ACYP2: variants seen among roughly 807,000 people sequenced by gnomAD.
ACYP2 encodes acylphosphatase-2.
In ACYP2, 12 loss-of-function variants were observed where a neutral mutation model predicts 11.2. That is an observed-to-expected ratio of 1.08 (90% confidence interval 0.69 to 1.74). The LOEUF (loss-of-function observed/expected upper bound fraction) is 1.74, where lower values mean the gene tolerates loss of function less well. ACYP2 is among the 40% of genes most tolerant of loss of function. ACYP2 has a pLI of 0.00. For synonymous variants in ACYP2, 43 were observed against 32.2 expected (o/e 1.33, Z -1.13); for missense variants, 134 against 101.9 (o/e 1.31, Z -1.35).
At chr2:53,991,042 CG>C (rs1258731182) in intron 2 of ACYP2, among the ~76,000 whole-genome samples, 1 of 152,148 alleles carries the variant, frequency 6.6e-6, no homozygotes, top group Non-Finnish European at 1.5e-5. Flanking sequence ...GTGATCCGCC[CG>C]CCTGGGACTC....
At chr2:54,039,087 C>T (rs1675076794) in intron 2 of ACYP2, among the ~76,000 whole-genome samples, 1 of 151,844 alleles carries the variant, frequency 6.6e-6, no homozygotes, top group Non-Finnish European at 1.5e-5. Context: ...GGGGAGCGTG[C>T]TCCTATAATA....
At chr2:54,265,699 T>C (rs899056844) in intron 6 of ACYP2, among the ~76,000 whole-genome samples, 7 of 152,200 alleles carry the variant, frequency 4.6e-5, no homozygotes, top group Admixed American at 4.6e-4. Context: ...TGAAATGTAG[T>C]GGTTAAGAGT....
At chr2:54,270,252 T>C (rs1688225540) in intron 6 of ACYP2, among the ~76,000 whole-genome samples, 2 of 152,220 alleles carry the variant, frequency 1.3e-5, no homozygotes, top group Non-Finnish European at 2.9e-5. Context: ...GTGATTTCCA[T>C]TGTTGCCATA....
intron 6 of ACYP2, among the ~76,000 whole-genome samples, chr2:54,200,066 G>T (rs1391947153): frequency 6.6e-6 from 1 of 152,162 alleles, no homozygotes; most frequent in African/African-American, 2.4e-5. Flanking sequence ...TTATAGAAAG[G>T]ATATCTTTAT....
intron 6 of ACYP2, among the ~76,000 whole-genome samples, chr2:54,269,350 A>G (rs1321686098): frequency 6.6e-6 from 1 of 152,264 alleles, no homozygotes; most frequent in Non-Finnish European, 1.5e-5. Flanking sequence ...TAGGAGCTAC[A>G]TACAAGAAAT....
chr2:54,198,428 G>A (rs1450125738), intron 6 of ACYP2, among the ~76,000 whole-genome samples: 1 of 152,134 alleles, frequency 6.6e-6, no homozygotes, highest in Non-Finnish European at 1.5e-5. Context: ...GGTTCCCACA[G>A]GGCCAGCTAC....
At chr2:54,136,877 G>A (rs1681275553) in intron 5 of ACYP2, among the ~76,000 whole-genome samples, 1 of 152,168 alleles carries the variant, frequency 6.6e-6, no homozygotes, top group South Asian at 2.1e-4. Flanking sequence ...TTGGGAGGCT[G>A]AGGCAGGAGA....
At chr2:54,085,700 A>G (rs1255339746) in intron 4 of ACYP2, among the ~76,000 whole-genome samples, 1 of 152,198 alleles carries the variant, frequency 6.6e-6, no homozygotes, top group Non-Finnish European at 1.5e-5. Flanking sequence ...CTTACTGTGT[A>G]TGGAAAAAGA....
At chr2:54,159,039 C>G (rs1263927379) in intron 6 of ACYP2, among the ~76,000 whole-genome samples, 2 of 152,032 alleles carry the variant, frequency 1.3e-5, no homozygotes, top group African/African-American at 4.8e-5. Context: ...TATATACTCT[C>G]TCTATATAGT....
chr2:54,145,771 A>G (rs778046771), intron 6 of ACYP2, among the ~76,000 whole-genome samples: 1 of 152,224 alleles, frequency 6.6e-6, no homozygotes, highest in Non-Finnish European at 1.5e-5. Context: ...TTGACTATAT[A>G]CAGAAAACAG....
rs202231897 is a variant in ACYP2, at chr2:54,216,542, AT to A, written c.404+77807del. Among the ~76,000 whole-genome samples the A allele has an allele frequency of 6.2e-4, 91 of 146,376 alleles. 1 individual carries two copies. The highest frequency in any genetic ancestry group is 5.7e-4 in the Non-Finnish European group (38 of 66,384). On this transcript the variant is annotated intron_variant, in intron 6 of 6. Transcript: ENST00000607452. Reference sequence around the variant, plus strand: ...TTTTTTAACTCCTAATCACGTTTACATTTTTTTTTTTTTGAGACAGAGTATC... The same window carrying A: ...TTTTTTAACTCCTAATCACGTTTACATTTTTTTTTTTTGAGACAGAGTATC...
At chr2:54,144,673 C>CAAAA (rs60045228) in intron 6 of ACYP2, among the ~76,000 whole-genome samples, 21 of 113,252 alleles carry the variant, frequency 1.9e-4, no homozygotes, top group Non-Finnish European at 2.8e-4. Context: ...GACTCTGTCT[C>CAAAA]AAAAAAAAAA....
chr2:54,023,959 C>A (rs1674141596), intron 2 of ACYP2, among the ~76,000 whole-genome samples: 1 of 152,120 alleles, frequency 6.6e-6, no homozygotes. Context: ...CAGTATCACA[C>A]TAAAACCCAA....
intron 4 of ACYP2, among the ~76,000 whole-genome samples, chr2:54,061,754 T>C (rs930406674): frequency 6.6e-6 from 1 of 152,180 alleles, no homozygotes. Context: ...TTTATTTTCT[T>C]ATAATTCTGG....
intron 4 of ACYP2, among the ~76,000 whole-genome samples, chr2:54,110,959 A>G (rs1254704618): frequency 6.6e-6 from 1 of 152,058 alleles, no homozygotes; most frequent in Non-Finnish European, 1.5e-5. Context: ...TGTGACTTCT[A>G]TCACTGGTAG....
chr2:54,299,118 A>G (rs560014495), intron 6 of ACYP2, among the ~76,000 whole-genome samples: 149 of 152,294 alleles, frequency 9.8e-4, no homozygotes, highest in African/African-American at 3.3e-3. Context: ...ATTCAGTGAA[A>G]GTTAATCCCT....
intron 6 of ACYP2, among the ~76,000 whole-genome samples, chr2:54,232,544 C>T (rs964095959): frequency 3.4e-4 from 51 of 152,238 alleles, no homozygotes; most frequent in Admixed American, 1.5e-3. Context: ...GAAATGGGTA[C>T]AGGAAGGCCG....
chr2:54,109,878 A>G (rs149979702), intron 4 of ACYP2, among the ~76,000 whole-genome samples: 58 of 152,276 alleles, frequency 3.8e-4, no homozygotes, highest in African/African-American at 7.0e-4. Flanking sequence ...ACCAATATCA[A>G]TATCTCATTA....
At chr2:54,035,415 G>A (rs371955592) in intron 2 of ACYP2, among the ~76,000 whole-genome samples, 2 of 151,562 alleles carry the variant, frequency 1.3e-5, no homozygotes, top group Admixed American at 6.6e-5. Context: ...ACAGGCGCCC[G>A]CCGTCATCCC....
Sources: allele counts gnomAD v4.1 joint callset (sites outside exome capture counted in the v4.1 genomes callset), GRCh38; gene constraint gnomAD v4.1.1; transcripts MANE v1.5; gene names NCBI Gene and HGNC (gene_info 2026-07-23, HGNC 2026-07-21).